The following PAIP1 variants were observed in gnomAD, a reference collection of about 807,000 sequenced individuals.
PAIP1 encodes poly(A) binding protein interacting protein 1.
PAIP1 carries 16 observed loss-of-function variants against 61.3 expected under a neutral mutation model. The observed-to-expected ratio is 0.26, with a 90% CI of 0.18 to 0.40. The LOEUF (loss-of-function observed/expected upper bound fraction) is 0.40. Ranked by LOEUF, PAIP1 falls within the 10% of genes least tolerant of loss-of-function variation. PAIP1 has a pLI of 1.00. For synonymous variants in PAIP1, 187 were observed against 226.2 expected (o/e 0.83, Z 1.56); for missense variants, 416 against 600.9 (o/e 0.69, Z 3.22).
intron 8 of PAIP1, among the ~76,000 whole-genome samples, chr5:43,534,324 C>T (rs906716775): frequency 3.9e-5 from 6 of 152,114 alleles, no homozygotes; most frequent in East Asian, 1.9e-4. Flanking sequence ...CTCAGCCTCC[C>T]GAGTAGCTGG....
intron 4 of PAIP1, among the ~76,000 whole-genome samples, chr5:43,539,995 G>T (rs1054725948): frequency 6.6e-6 from 1 of 152,194 alleles, no homozygotes; most frequent in African/African-American, 2.4e-5. Flanking sequence ...AAAGCTATGG[G>T]TACTGAATGG....
intron 10 of PAIP1, 88 bp from the exon 11 acceptor site, chr5:43,527,557 C>G (rs1441687907): frequency 2.6e-6 from 3 of 1,171,090 alleles, no homozygotes; most frequent in Non-Finnish European, 3.6e-6. Flanking sequence ...TGTAATACAA[C>G]TTTCCTAGAC....
intron 2 of PAIP1, among the ~76,000 whole-genome samples, chr5:43,548,497 G>A (rs977511117): frequency 1.3e-5 from 2 of 152,076 alleles, no homozygotes; most frequent in African/African-American, 4.8e-5. Context: ...ATTTCATCAC[G>A]GTATAAATGG....
At chr5:43,548,857 A>C (rs1312972228) in intron 2 of PAIP1, among the ~76,000 whole-genome samples, 5 of 152,246 alleles carry the variant, frequency 3.3e-5, no homozygotes, top group African/African-American at 1.2e-4. Context: ...GAAGGGGTTA[A>C]GTTCTAAAGT....
intron 2 of PAIP1, among the ~76,000 whole-genome samples, chr5:43,552,092 G>A (rs1747887586): frequency 6.6e-6 from 1 of 152,088 alleles, no homozygotes. Flanking sequence ...CTTTTTCATG[G>A]TAGGTACTCT....
At chr5:43,530,239 G>A (rs1456417172) in intron 9 of PAIP1, among the ~76,000 whole-genome samples, 2 of 152,148 alleles carry the variant, frequency 1.3e-5, no homozygotes, top group Non-Finnish European at 2.9e-5. Flanking sequence ...AACAACAATT[G>A]GTCTCTGTTC....
chr5:43,556,431 C>T, intron 1 of PAIP1, 151 bp downstream of exon 1: 2 of 1,211,422 alleles, frequency 1.7e-6, no homozygotes, highest in Non-Finnish European at 2.1e-6. Flanking sequence ...GTTCCGGGCC[C>T]GTCCCTACCC....
At chr5:43,531,061 G>A (rs1352238154) in intron 9 of PAIP1, among the ~76,000 whole-genome samples, 3 of 152,076 alleles carry the variant, frequency 2.0e-5, no homozygotes, top group African/African-American at 4.8e-5. Context: ...TCTTCCCTGC[G>A]AGATAGCAGG....
At position 43,527,124 on chromosome 5, in the gene PAIP1, C is replaced by T. The variant is rs1183106323; in HGVS notation, c.*252G>A. 8 of 245,704 alleles carry T rather than the reference C, an allele frequency of 3.3e-5. No individual in the cohort carries two copies. Among genetic ancestry groups the T allele is most frequent in the African/African-American group, 1.3e-4 (6 of 44,866 alleles). The allele number at this position is 245,704 out of a possible 1,614,324, so 15.2% of individuals were successfully genotyped here. On this transcript the variant is annotated 3_prime_UTR_variant, in exon 11 of 11. Coordinates refer to ENST00000306846, the MANE Select transcript of PAIP1 (RefSeq NM_006451.5). Reference sequence around the variant, plus strand: ...TTCAACATTTCATTTATTTCAAAATCGATTTTATTGCAGCCAAAACAGTAG... The same window carrying T: ...TTCAACATTTCATTTATTTCAAAATTGATTTTATTGCAGCCAAAACAGTAG...
chr5:43,534,674 C>A (rs964383818), intron 8 of PAIP1, among the ~76,000 whole-genome samples, 179 bp downstream of exon 8: 3 of 152,200 alleles, frequency 2.0e-5, no homozygotes, highest in African/African-American at 7.2e-5. Context: ...TCCACCCTTT[C>A]ACTGGAGAAT....
chr5:43,545,726 T>G (rs554056453), intron 3 of PAIP1, among the ~76,000 whole-genome samples: 1 of 152,272 alleles, frequency 6.6e-6, no homozygotes, highest in Non-Finnish European at 1.5e-5. Flanking sequence ...TAGCATCATT[T>G]TAGTGGTGTT....
At chr5:43,556,088 CTGTT>C in intron 1 of PAIP1, 89 bp from the exon 2 acceptor site, 1 of 1,494,088 alleles carries the variant, frequency 6.7e-7, no homozygotes, top group Non-Finnish European at 9.0e-7. Flanking sequence ...TGAAAAGCGT[CTGTT>C]TTTAAGAGTT....
chr5:43,540,930 G>C (rs1016153691), intron 4 of PAIP1, among the ~76,000 whole-genome samples: 9 of 152,022 alleles, frequency 5.9e-5, no homozygotes, highest in African/African-American at 1.2e-4. Context: ...GGCACAGCCG[G>C]GGGTGAGAAG....
Position 43,533,746 on chromosome 5 carries a change from G to C in PAIP1, c.1244C>G (p.Ala415Gly), listed in dbSNP as rs760610345. 2 of 1,587,938 alleles carry C rather than the reference G, an allele frequency of 1.3e-6. No homozygotes were observed. The highest frequency in any genetic ancestry group is 8.6e-7 in the Non-Finnish European group (1 of 1,156,228). The change falls in exon 9 of 11, where the codon GCT (alanine) becomes GGT (glycine). Residue 415 changes from alanine to glycine, a missense_variant. Ala to Gly is a moderately conservative substitution (Grantham distance 60). Transcript: ENST00000306846. ...ACTGTGAGACAACATACCTGGATCA[G>C]CTGCAGTGAAAGGAACACCATCAGA... ...YTSDGVPFTA[A>G]DPDYQEKYQE...
chr5:43,554,945 C>A (rs541430771), intron 2 of PAIP1, among the ~76,000 whole-genome samples: 1 of 152,276 alleles, frequency 6.6e-6, no homozygotes, highest in Non-Finnish European at 1.5e-5. Context: ...TATATTCATG[C>A]AATGGAATGT....
At position 43,539,040 on chromosome 5, in the gene PAIP1, T is replaced by G; in HGVS notation, c.735-5A>C. ...ACTTCATATTCAGTCCGACATCTAATTAAAGACATATCTTTTATAATCTCA... is the reference window on the plus strand; with the variant it reads ...ACTTCATATTCAGTCCGACATCTAAGTAAAGACATATCTTTTATAATCTCA... On this transcript the variant is annotated splice_region_variant and splice_polypyrimidine_tract_variant and intron_variant, in intron 4 of 10. Transcript: ENST00000306846. 6.6e-7 allele frequency: 1 copy of G among 1,518,292 alleles called. No homozygotes were observed. Among genetic ancestry groups the G allele is most frequent in the Non-Finnish European group, 9.1e-7 (1 of 1,093,854 alleles). 94.1% of individuals were successfully genotyped at this position (1,518,292 alleles called of 1,614,324 possible).
intron 9 of PAIP1, among the ~76,000 whole-genome samples, chr5:43,532,464 C>G (rs1459553820): frequency 6.6e-6 from 1 of 151,996 alleles, no homozygotes; most frequent in Admixed American, 6.6e-5. Flanking sequence ...AGACAACAGG[C>G]AATGGAAAAG....
chr5:43,547,242 C>CA (rs1747674070), intron 3 of PAIP1, among the ~76,000 whole-genome samples: 1 of 151,572 alleles, frequency 6.6e-6, no homozygotes, highest in African/African-American at 2.4e-5. Context: ...GTTTGGCTTT[C>CA]TTTTTTTTAA....
intron 4 of PAIP1, among the ~76,000 whole-genome samples, chr5:43,539,846 A>AT (rs759926757): frequency 6.6e-6 from 1 of 152,184 alleles, no homozygotes; most frequent in Non-Finnish European, 1.5e-5. Context: ...ACTAACATAG[A>AT]TTTTTTAAAT....
Sources: gnomAD v4.1 joint callset for allele counts (sites outside exome capture counted in the v4.1 genomes callset) on GRCh38, gnomAD v4.1.1 for gene constraint, MANE v1.5 for transcripts, NCBI Gene and HGNC (gene_info 2026-07-23, HGNC 2026-07-21) for gene names.